The following TANC1 variants were observed in gnomAD, a reference collection of about 807,000 sequenced individuals.
TANC1 encodes the protein protein TANC1.
In TANC1, 77 loss-of-function variants were observed where a neutral mutation model predicts 149.7. The observed-to-expected ratio is 0.51, with a 90% CI of 0.43 to 0.62. The LOEUF (loss-of-function observed/expected upper bound fraction) is 0.62, where lower values mean the gene tolerates loss of function less well. Ranked by LOEUF, TANC1 falls within the 20% of genes least tolerant of loss-of-function variation. The probability of loss-of-function intolerance (pLI) is 0.00; values close to 1 mark genes in which losing one functional copy is unlikely to be tolerated. For synonymous variants in TANC1, 854 were observed against 925.0 expected, an observed-to-expected ratio of 0.92 and a Z score of 1.39; for missense variants, 1,985 against 2,321.8, an observed-to-expected ratio of 0.85 and a Z score of 2.98.
At position 159,230,227 on chromosome 2, in the gene TANC1, C is replaced by G. The variant is rs1194413086; in HGVS notation, c.4801C>G (p.Leu1601Val). Residue 1601 changes from leucine to valine, a missense_variant, in exon 27 of 27, where the codon CTG becomes GTG. By Grantham distance (32) the Leu-to-Val change is conservative (BLOSUM62 1). This residue lies in a region of TANC1 where 920 missense variants were observed against 994.7 expected (regional missense o/e 0.92). Transcript: ENST00000263635. This position sits in a 1 kb window ranked among gnomAD's most constrained non-coding sequence, Gnocchi z 4.4. ...TGGTTGTGGCCACTTTGGGGATCGG[C>G]TGGGCCCCAGCCAGAATGTCCGCCT... Reference protein sequence around the residue: ...RAGCGHFGDRLGPSQNVRLQC... With the variant: ...RAGCGHFGDRVGPSQNVRLQC... 1 of 1,613,928 alleles carries G rather than the reference C, an allele frequency of 6.2e-7. No homozygotes were observed. Among genetic ancestry groups the G allele is most frequent in the Admixed American group, 1.7e-5 (1 of 60,030 alleles).
chr2:159,043,943 C>T (rs753068248), intron 2 of TANC1, among the ~76,000 whole-genome samples: 2 of 152,132 alleles, frequency 1.3e-5, no homozygotes, highest in Non-Finnish European at 2.9e-5. Context: ...GGGGTCATGT[C>T]AGTTAAAGCT....
In TANC1 at chr2:159,147,040, A is replaced by G. The variant is rs115941978; in HGVS notation, c.365-2102A>G. On this transcript the variant is annotated intron_variant, in intron 5 of 26. Coordinates refer to ENST00000263635, the MANE Select transcript of TANC1 (RefSeq NM_033394.3). Reference sequence around the variant, plus strand: ...GTGTTGCGGTCCCCCTGCTGCACATAGGACCTACATAGGATCAGGGTCCTC... The same window carrying G: ...GTGTTGCGGTCCCCCTGCTGCACATGGGACCTACATAGGATCAGGGTCCTC... Among the ~76,000 whole-genome samples the G allele has an allele frequency of 6.7e-3, 1,013 of 152,256 alleles. 7 individuals are homozygous for G. Among genetic ancestry groups the G allele is most frequent in the Non-Finnish European group, 9.9e-3 (673 of 68,018 alleles).
intron 2 of TANC1, among the ~76,000 whole-genome samples, chr2:159,038,880 G>T (rs970921680): frequency 3.3e-5 from 5 of 152,302 alleles, no homozygotes; most frequent in African/African-American, 1.2e-4. Flanking sequence ...AGTTAGGGAA[G>T]ATTCCCTCTT....
intron 2 of TANC1, among the ~76,000 whole-genome samples, chr2:159,032,729 G>A (rs1329469020): frequency 1.3e-5 from 2 of 152,124 alleles, no homozygotes; most frequent in East Asian, 1.9e-4. Flanking sequence ...CTGAAAGACA[G>A]TGGGAGGGCT....
At chr2:159,045,312 G>A (rs2040953185) in intron 2 of TANC1, among the ~76,000 whole-genome samples, 1 of 152,082 alleles carries the variant, frequency 6.6e-6, no homozygotes, top group South Asian at 2.1e-4. Context: ...CATGCCTGTA[G>A]TCCCAGCTAC....
At chr2:159,007,210 G>A (rs1358657195) in intron 2 of TANC1, among the ~76,000 whole-genome samples, 6 of 140,234 alleles carry the variant, frequency 4.3e-5, no homozygotes, top group Non-Finnish European at 9.0e-5. Context: ...GCAATGGTGC[G>A]ATCTTGGCTC....
At chr2:159,078,583 A>G (rs928473029) in intron 3 of TANC1, among the ~76,000 whole-genome samples, 1 of 152,164 alleles carries the variant, frequency 6.6e-6, no homozygotes, top group South Asian at 2.1e-4. Context: ...TTTTGATTCT[A>G]CTAATCTGAT....
intron 5 of TANC1, among the ~76,000 whole-genome samples, chr2:159,140,843 G>A (rs189752604): frequency 9.2e-5 from 14 of 151,824 alleles, no homozygotes; most frequent in South Asian, 4.2e-4. Context: ...GGCACCCACC[G>A]CCACACCCGG....
chr2:159,183,659 G>T (rs2056702382), intron 14 of TANC1, among the ~76,000 whole-genome samples: 2 of 152,104 alleles, frequency 1.3e-5, no homozygotes, highest in Non-Finnish European at 2.9e-5. Context: ...GATGGGAGGT[G>T]GAAGGGCTTA....
intron 4 of TANC1, among the ~76,000 whole-genome samples, chr2:159,125,586 C>CCTCCCTCG (rs2049360398): frequency 6.9e-6 from 1 of 145,324 alleles, no homozygotes; most frequent in African/African-American, 2.7e-5. Flanking sequence ...TCCCTCCCTC[C>CCTCCCTCG]CTTCCTTCCT....
At chr2:159,086,327 T>A (rs1392371474) in intron 3 of TANC1, among the ~76,000 whole-genome samples, 2 of 152,102 alleles carry the variant, frequency 1.3e-5, no homozygotes, top group Non-Finnish European at 1.5e-5. Context: ...GGTGAGGCAC[T>A]AGATCTTGGA....
intron 2 of TANC1, 125 bp from the exon 3 acceptor site, chr2:159,065,771 C>T (rs2042602378): frequency 3.0e-6 from 2 of 658,054 alleles, no homozygotes; most frequent in African/African-American, 3.6e-5. Context: ...TAATGTAAGG[C>T]TTAGGGTACC....
At chr2:159,003,548 A>C (rs1258948216) in intron 2 of TANC1, among the ~76,000 whole-genome samples, 1 of 152,224 alleles carries the variant, frequency 6.6e-6, no homozygotes, top group Non-Finnish European at 1.5e-5. Flanking sequence ...CCGAGGCTAC[A>C]CAGTTAATGG....
At chr2:159,217,353 A>G in intron 19 of TANC1, 144 bp from the exon 20 acceptor site, 1 of 1,027,380 alleles carries the variant, frequency 9.7e-7, no homozygotes, top group Non-Finnish European at 1.5e-6. Context: ...TGTTGGTCAA[A>G]GCTGTCACAG....
chr2:159,009,943 C>T (rs1268005695), intron 2 of TANC1, among the ~76,000 whole-genome samples: 2 of 151,520 alleles, frequency 1.3e-5, no homozygotes, highest in South Asian at 2.1e-4. Context: ...AAATTGACAA[C>T]ATTTCAGCAA....
intron 2 of TANC1, among the ~76,000 whole-genome samples, chr2:159,033,592 TG>T (rs1359494522): frequency 6.6e-6 from 1 of 152,138 alleles, no homozygotes; most frequent in East Asian, 1.9e-4. Context: ...AGACAGAAAT[TG>T]GGGAAGCCAT....
At chr2:159,016,046 T>G (rs2038235527) in intron 2 of TANC1, among the ~76,000 whole-genome samples, 1 of 152,190 alleles carries the variant, frequency 6.6e-6, no homozygotes, top group Admixed American at 6.5e-5. Flanking sequence ...CCACTCCTGG[T>G]ACCAATTTAC....
chr2:159,043,255 G>A (rs2040795779), intron 2 of TANC1, among the ~76,000 whole-genome samples: 1 of 152,120 alleles, frequency 6.6e-6, no homozygotes. Context: ...GAAGAGTGCT[G>A]ACGGGTTTTC....
At chr2:159,203,889 T>G (rs1318327438) in intron 19 of TANC1, among the ~76,000 whole-genome samples, 1 of 152,206 alleles carries the variant, frequency 6.6e-6, no homozygotes, top group Admixed American at 6.5e-5. Flanking sequence ...TCATGGGCTT[T>G]GTGAAGGCAG....
Sources: allele counts gnomAD v4.1 joint callset (sites outside exome capture counted in the v4.1 genomes callset), GRCh38; gene constraint gnomAD v4.1.1; regional missense constraint gnomAD v4.1.1; non-coding constraint Gnocchi (gnomAD v3.1); transcripts MANE v1.5; gene names NCBI Gene and HGNC (gene_info 2026-07-23, HGNC 2026-07-21).